Variants in RNF215 observed in about 807,000 individuals in gnomAD.
RNF215 encodes ring finger protein 215.
RNF215 carries 41 observed loss-of-function variants against 44.8 expected under a neutral mutation model. The ratio of observed to expected loss-of-function variants is 0.92; its 90% CI spans 0.71 to 1.19. RNF215 has a LOEUF of 1.19. Among genes scored for constraint, RNF215 ranks in the 50% most tolerant of loss-of-function variants. The pLI, the probability that RNF215 is intolerant of heterozygous loss-of-function variation, is 0.00. For synonymous variants in RNF215, 218 were observed against 230.1 expected, an observed-to-expected ratio of 0.95 and a Z score of 0.48; for missense variants, 452 against 496.2, an observed-to-expected ratio of 0.91 and a Z score of 0.85.
At chr22:30,384,253 A>G in intron 5 of RNF215, 86 bp downstream of exon 5, 1 of 1,400,682 alleles carries the variant, frequency 7.1e-7, no homozygotes, top group Non-Finnish European at 9.9e-7. Flanking sequence ...AGGTGGGGAG[A>G]AGCCACAGGA....
chr22:30,385,427 A>G (rs1933584073), intron 4 of RNF215, among the ~76,000 whole-genome samples: 1 of 150,174 alleles, frequency 6.7e-6, no homozygotes, highest in East Asian at 2.0e-4. Flanking sequence ...ATCTCAAAAA[A>G]AAAAAAAAAA....
rs764844213 is a variant in RNF215 at position 30,380,291 on chromosome 22, G to A, written c.855C>T (p.Leu285=). The A allele has an allele frequency of 5.6e-6, 9 of 1,610,632 alleles. No individual in the cohort carries two copies. The highest frequency in any genetic ancestry group is 3.3e-5 in the Admixed American group (2 of 59,874). ...RQASRQSQRE[L]GGQVDLFKRR... ...TGGGGCTGGCTCCCACCTGGCCTCC[G>A]AGCTCCCGCTGGCTCTGCCGCGACG... is the stretch of plus-strand genomic sequence containing the variant. Residue 285 remains leucine (L), a synonymous_variant, in exon 6 of 9, where the codon CTC becomes CTT. Coordinates refer to ENST00000382363, the MANE Select transcript of RNF215 (RefSeq NM_001017981.2). This position sits in a 1 kb window ranked among gnomAD's most constrained non-coding sequence, Gnocchi z 5.3.
At position 30,387,364 on chromosome 22, in the gene RNF215, G is replaced by C. The variant is rs970751306; in HGVS notation, c.-51C>G. The C allele has an allele frequency of 5.9e-6, 6 of 1,021,660 alleles. No individual in the cohort carries two copies. Among genetic ancestry groups the C allele is most frequent in the African/African-American group, 3.5e-5 (2 of 57,342 alleles). 63.3% of individuals were successfully genotyped at this position (1,021,660 alleles called of 1,614,324 possible). Reference sequence around the variant, plus strand: ...CAGTGGGGCCAGGGGTCCCGGGCGCGGGGGGGATCGGAGGGAGCGAGGCCG... The same window carrying C: ...CAGTGGGGCCAGGGGTCCCGGGCGCCGGGGGGATCGGAGGGAGCGAGGCCG... On this transcript the variant is annotated 5_prime_UTR_variant, in exon 1 of 9. Coordinates refer to ENST00000382363, the MANE Select transcript of RNF215 (RefSeq NM_001017981.2).
At chr22:30,384,686 G>A (rs1456270945) in intron 4 of RNF215, 191 bp from the exon 5 acceptor site, 1 of 539,730 alleles carries the variant, frequency 1.9e-6, no homozygotes, top group Non-Finnish European at 3.3e-6. Context: ...AAGCCTGCAA[G>A]TCCATCTTCC....
At position 30,387,327 on chromosome 22, in the gene RNF215, G is replaced by C. The variant is rs1283727093; in HGVS notation, c.-14C>G. The C allele has an allele frequency of 1.5e-5, 16 of 1,058,646 alleles. No homozygotes were observed. Among genetic ancestry groups the C allele is most frequent in the African/African-American group, 1.7e-5 (1 of 58,564 alleles). 65.6% of individuals were successfully genotyped at this position (1,058,646 alleles called of 1,614,324 possible). On this transcript the variant is annotated 5_prime_UTR_variant, in exon 1 of 9. Transcript: ENST00000382363. ...GGCGGGGCCCATGGCCGGACCCGGCGAGCTGGCCCAACAGTGGGGCCAGGG... is the reference window on the plus strand; with the variant it reads ...GGCGGGGCCCATGGCCGGACCCGGCCAGCTGGCCCAACAGTGGGGCCAGGG...
At chr22:30,382,938 C>A (rs1933547902) in intron 5 of RNF215, among the ~76,000 whole-genome samples, 1 of 152,112 alleles carries the variant, frequency 6.6e-6, no homozygotes, top group South Asian at 2.1e-4. Context: ...CCCATCTCTA[C>A]AAAAAATACA....
chr22:30,387,006 C>A, intron 1 of RNF215, 23 bp downstream of exon 1: 1 of 1,538,656 alleles, frequency 6.5e-7, no homozygotes, highest in Non-Finnish European at 8.7e-7. Flanking sequence ...AGTGATGCGG[C>A]CAGATGGCTC....
intron 2 of RNF215, 96 bp downstream of exon 2, chr22:30,386,520 G>T: frequency 6.8e-7 from 1 of 1,467,756 alleles, no homozygotes. Context: ...GGGCTTCTCT[G>T]CAAGCTCTTA....
At chr22:30,384,269 A>G (rs141242899) in intron 5 of RNF215, 70 bp downstream of exon 5, 1 of 1,491,920 alleles carries the variant, frequency 6.7e-7, no homozygotes, top group African/African-American at 1.4e-5. Context: ...CAGGATTTTC[A>G]ATACAAAGCC....
intron 5 of RNF215, among the ~76,000 whole-genome samples, chr22:30,381,756 T>C (rs142451186): frequency 1.3e-5 from 2 of 152,334 alleles, no homozygotes; most frequent in African/African-American, 4.8e-5. Flanking sequence ...GCCATTGCTC[T>C]GCTCACAGTG....
chr22:30,382,404 C>G (rs1392171512), intron 5 of RNF215, among the ~76,000 whole-genome samples: 1 of 65,784 alleles, frequency 1.5e-5, no homozygotes, highest in Non-Finnish European at 3.1e-5. Context: ...AACTCTGTCT[C>G]AAAAAAAAAA....
intron 4 of RNF215, 76 bp downstream of exon 4, chr22:30,385,828 G>T: frequency 7.7e-7 from 1 of 1,291,128 alleles, no homozygotes; most frequent in Non-Finnish European, 1.1e-6. Flanking sequence ...CTGGTCCCAA[G>T]CCCCCTCAGT....
Position 30,386,079 on chromosome 22 carries a change from C to A in RNF215, c.492G>T (p.Val164=), listed in dbSNP as rs1046680542. 1.2e-6 allele frequency: 2 copies of A among 1,612,542 alleles called. No individual in the cohort carries two copies. Among genetic ancestry groups the A allele is most frequent in the South Asian group, 1.1e-5 (1 of 90,932 alleles). ...GCCTGGTCCGATTTACCTCTCGGAC[C>A]ACGTTGTGGTTCAGGATGAGAAGAA... ...ALLLLILNHN[V]VRELDISQLL... is the part of the protein sequence containing the mutation. The change falls in exon 3 of 9, where the codon GTG becomes GTT. Residue 164 remains valine (V), a synonymous_variant. Coordinates refer to ENST00000382363, the MANE Select transcript of RNF215 (RefSeq NM_001017981.2).
At position 30,386,710 on chromosome 22, in the gene RNF215, G is replaced by A; in HGVS notation, c.335C>T (p.Ala112Val). 1 of 1,611,108 alleles carries A rather than the reference G, an allele frequency of 6.2e-7. No homozygotes were observed. Among genetic ancestry groups the A allele is most frequent in the Non-Finnish European group, 8.5e-7 (1 of 1,179,978 alleles). ...EQEAPVEGWI[A>V]VAYVGKEQAA... is the part of the protein sequence containing the mutation. ...CTGCTCCTTGCCCACGTATGCCACTGCAATCCAGCCTTCCACTGGTGCCTC... is the reference window on the plus strand; with the variant it reads ...CTGCTCCTTGCCCACGTATGCCACTACAATCCAGCCTTCCACTGGTGCCTC... Residue 112 changes from alanine (A) to valine (V), a missense_variant, in exon 2 of 9, where the codon GCA becomes GTA. Physicochemically the swap from Ala to Val is moderately conservative, Grantham distance 64 (BLOSUM62 0). Transcript: ENST00000382363.
intron 5 of RNF215, among the ~76,000 whole-genome samples, chr22:30,383,708 G>A (rs1933558355): frequency 6.6e-6 from 1 of 152,212 alleles, no homozygotes; most frequent in Non-Finnish European, 1.5e-5. Context: ...CTGGCTGTCA[G>A]GAGACAAAGT....
chr22:30,387,274 G>T lies in RNF215; in HGVS notation c.40C>A (p.Pro14Thr). The T allele has an allele frequency of 9.4e-7, 1 of 1,061,952 alleles. No individual in the cohort carries two copies. The highest frequency in any genetic ancestry group is 1.1e-6 in the Non-Finnish European group (1 of 880,472). The allele number at this position is 1,061,952 out of a possible 1,614,324, so 65.8% of individuals were successfully genotyped here. The part of the protein sequence containing the change: ...AARPALRSPP[P>T]PPPPPPSPLL... ...GGAGACGGAGGCGGCGGCGGAGGCGGCGGCGGCGATCTCAGCGCGGGGCGA... is the reference window on the plus strand; with the variant it reads ...GGAGACGGAGGCGGCGGCGGAGGCGTCGGCGGCGATCTCAGCGCGGGGCGA... Residue 14 changes from proline (P) to threonine (T), a missense_variant, in exon 1 of 9, where the codon CCG becomes ACG. Transcript: ENST00000382363.
At chr22:30,382,214 C>A (rs1415624237) in intron 5 of RNF215, among the ~76,000 whole-genome samples, 1 of 152,038 alleles carries the variant, frequency 6.6e-6, no homozygotes, top group Admixed American at 6.5e-5. Flanking sequence ...CTAGCCTGAC[C>A]AACATGGAGA....
chr22:30,385,821 G>T, intron 4 of RNF215, 83 bp downstream of exon 4: 3 of 1,271,364 alleles, frequency 2.4e-6, no homozygotes, highest in Non-Finnish European at 3.4e-6. Context: ...TAAGGCCCTG[G>T]TCCCAAGCCC....
rs145957672 is a variant in RNF215, at chr22:30,379,617, G to A, written c.1117C>T (p.Arg373Cys). Residue 373 changes from arginine (R) to cysteine (C), a missense_variant, in exon 9 of 9, where the codon CGC becomes TGC. Transcript: ENST00000382363. ...CTGGGCAGCTAATCATCGGAGTAGC[G>A]GTTCCCTGCAGGGGAGGGGAAGAAG... is the stretch of plus-strand genomic sequence containing the variant. The part of the protein sequence containing the change: ...PLCKFNVLGN[R>C]YSDD 8.3e-5 allele frequency: 129 copies of A among 1,551,270 alleles called. No homozygotes were observed. Among genetic ancestry groups the A allele is most frequent in the African/African-American group, 7.9e-4 (58 of 73,166 alleles).
Sources: gnomAD v4.1 joint callset for allele counts (sites outside exome capture counted in the v4.1 genomes callset) on GRCh38, gnomAD v4.1.1 for gene constraint, Gnocchi (gnomAD v3.1) non-coding constraint, MANE v1.5 for transcripts, NCBI Gene and HGNC (gene_info 2026-07-23, HGNC 2026-07-21) for gene names.